CACNA2D3: variants seen among roughly 807,000 people sequenced by gnomAD.
CACNA2D3 encodes voltage-dependent calcium channel subunit alpha-2/delta-3.
CACNA2D3 carries 60 observed loss-of-function variants against 160.6 expected under a neutral mutation model. The ratio of observed to expected loss-of-function variants is 0.37; its 90% CI spans 0.30 to 0.46. The LOEUF is 0.46. Ranked by LOEUF, CACNA2D3 falls within the 20% of genes least tolerant of loss-of-function variation. CACNA2D3 has a pLI of 1.00. For synonymous variants in CACNA2D3, 558 were observed against 492.9 expected (o/e 1.13, Z -1.75); for missense variants, 1,205 against 1,365.0 (o/e 0.88, Z 1.85).
chr3:54,883,336 A>T (rs1207063706), intron 21 of CACNA2D3, among the ~76,000 whole-genome samples: 1 of 152,168 alleles, frequency 6.6e-6, no homozygotes, highest in Admixed American at 6.5e-5. Context: ...TGTATCTTTT[A>T]TATGTATTGC....
intron 2 of CACNA2D3, among the ~76,000 whole-genome samples, chr3:54,288,570 T>G (rs1703096783): frequency 6.6e-6 from 1 of 152,160 alleles, no homozygotes; most frequent in African/African-American, 2.4e-5. Flanking sequence ...TAACTCATTT[T>G]ATGAGGCCAG....
At chr3:54,178,915 G>A (rs1700723996) in intron 2 of CACNA2D3, among the ~76,000 whole-genome samples, 1 of 152,152 alleles carries the variant, frequency 6.6e-6, no homozygotes, top group Non-Finnish European at 1.5e-5. Flanking sequence ...GCCTCTGTTT[G>A]GAAGGCACTA....
At chr3:54,375,270 T>C (rs1261223030) in intron 3 of CACNA2D3, among the ~76,000 whole-genome samples, 2 of 152,234 alleles carry the variant, frequency 1.3e-5, no homozygotes, top group East Asian at 3.9e-4. Flanking sequence ...TGGACTCTAA[T>C]GTCCTTGAAG....
chr3:54,204,804 A>G (rs1186087580), intron 2 of CACNA2D3, among the ~76,000 whole-genome samples: 1 of 150,004 alleles, frequency 6.7e-6, no homozygotes, highest in Non-Finnish European at 1.5e-5. Context: ...TTGAAAAAAA[A>G]AAAAAAAAAA....
intron 4 of CACNA2D3, among the ~76,000 whole-genome samples, chr3:54,417,795 T>TGTG (rs1559475898): frequency 1.5e-5 from 1 of 68,064 alleles, no homozygotes; most frequent in African/African-American, 5.2e-5. Flanking sequence ...TCTGTGTGTG[T>TGTG]GGGGGGGGGG....
chr3:55,053,826 A>C (rs375223773), intron 35 of CACNA2D3, among the ~76,000 whole-genome samples: 6 of 151,970 alleles, frequency 3.9e-5, no homozygotes, highest in African/African-American at 1.4e-4. Context: ...GTAAAGGAGA[A>C]ATGGTAAAAT....
Position 54,403,142 on chromosome 3 carries a change from C to G in CACNA2D3, c.381+16368C>G, listed in dbSNP as rs1162714106. On this transcript the variant is annotated intron_variant, in intron 4 of 37. Transcript: ENST00000474759. ...TTGGGAGATGGAGATGGACAGATCA[C>G]TTGAAGAGTTCGAGACCAGCTTGGG... is the stretch of plus-strand genomic sequence containing the variant. Among the ~76,000 whole-genome samples, 2 of 151,930 alleles carry G rather than the reference C, an allele frequency of 1.3e-5. 1 individual carries two copies. The highest frequency in any genetic ancestry group is 1.3e-4 in the Admixed American group (2 of 15,240).
intron 3 of CACNA2D3, among the ~76,000 whole-genome samples, chr3:54,364,785 G>A (rs537740425): frequency 2.6e-5 from 4 of 152,324 alleles, no homozygotes; most frequent in South Asian, 2.1e-4. Flanking sequence ...CAAAGAAGCG[G>A]AAAGAGGAAG....
intron 3 of CACNA2D3, among the ~76,000 whole-genome samples, chr3:54,370,922 T>G (rs1698916567): frequency 6.6e-6 from 1 of 152,206 alleles, no homozygotes; most frequent in South Asian, 2.1e-4. Flanking sequence ...CAAATCTTTC[T>G]GTTTCTATGG....
At chr3:54,426,147 G>A (rs1699909319) in intron 4 of CACNA2D3, among the ~76,000 whole-genome samples, 1 of 152,104 alleles carries the variant, frequency 6.6e-6, no homozygotes, top group African/African-American at 2.4e-5. Context: ...AAGAGGGGAG[G>A]GGCCCCTCTG....
intron 4 of CACNA2D3, among the ~76,000 whole-genome samples, chr3:54,459,947 T>C (rs977101683): frequency 6.6e-6 from 1 of 152,216 alleles, no homozygotes; most frequent in Admixed American, 6.5e-5. Context: ...ATTAATTTTT[T>C]GTATAAGGTG....
At chr3:54,971,847 T>G (rs551033522) in intron 29 of CACNA2D3, among the ~76,000 whole-genome samples, 1 of 152,330 alleles carries the variant, frequency 6.6e-6, no homozygotes, top group South Asian at 2.1e-4. Flanking sequence ...TGGGCAAGTT[T>G]CCAAATCTTT....
At chr3:54,455,820 A>C (rs1335073867) in intron 4 of CACNA2D3, among the ~76,000 whole-genome samples, 3 of 152,178 alleles carry the variant, frequency 2.0e-5, no homozygotes, top group Non-Finnish European at 4.4e-5. Context: ...AGCACCATTT[A>C]TTAAAGAGGC....
intron 4 of CACNA2D3, among the ~76,000 whole-genome samples, chr3:54,463,054 T>G (rs2106848764): frequency 6.6e-6 from 1 of 152,154 alleles, no homozygotes; most frequent in Admixed American, 6.6e-5. Context: ...TGGCTGGATA[T>G]GAAATTCTGG....
chr3:54,330,759 T>G (rs1238383990), intron 3 of CACNA2D3, among the ~76,000 whole-genome samples: 2 of 152,152 alleles, frequency 1.3e-5, no homozygotes, highest in Non-Finnish European at 2.9e-5. Context: ...TCTGTTAGGA[T>G]GCCTTTTGAG....
At chr3:54,305,411 G>A (rs1703575405) in intron 2 of CACNA2D3, among the ~76,000 whole-genome samples, 1 of 152,166 alleles carries the variant, frequency 6.6e-6, no homozygotes, top group South Asian at 2.1e-4. Context: ...TCATTTATTG[G>A]CAGAACAGCC....
intron 3 of CACNA2D3, among the ~76,000 whole-genome samples, chr3:54,368,869 T>G (rs894868543): frequency 2.0e-5 from 3 of 151,552 alleles, no homozygotes; most frequent in Non-Finnish European, 4.4e-5. Context: ...GCCTGGCTAA[T>G]TTTTTGTATT....
chr3:54,969,262 C>CTT (rs66688757), intron 28 of CACNA2D3, among the ~76,000 whole-genome samples: 2,239 of 134,666 alleles, frequency 0.017, 60 homozygotes, highest in South Asian at 0.055. Flanking sequence ...ATAAAGTAGA[C>CTT]TTTTTTTTTT....
intron 14 of CACNA2D3, among the ~76,000 whole-genome samples, chr3:54,820,640 G>A (rs999035883): frequency 6.6e-6 from 1 of 152,086 alleles, no homozygotes; most frequent in African/African-American, 2.4e-5. Context: ...CACTTTCAAG[G>A]CGTCACAAAT....
Sources: gnomAD v4.1 joint callset for allele counts (sites outside exome capture counted in the v4.1 genomes callset) on GRCh38, gnomAD v4.1.1 for gene constraint, MANE v1.5 for transcripts, NCBI Gene and HGNC (gene_info 2026-07-23, HGNC 2026-07-21) for gene names.